NRP1: variants seen among roughly 807,000 people sequenced by gnomAD.
NRP1 encodes the protein neuropilin 1.
In NRP1, 35 loss-of-function variants were observed where a neutral mutation model predicts 106.7. The ratio of observed to expected loss-of-function variants is 0.33; its 90% CI spans 0.25 to 0.43. The LOEUF is 0.43. Among genes scored for constraint, NRP1 ranks in the 20% least tolerant of loss-of-function variants. The pLI is 1.00. For missense variants in NRP1, 1,024 were observed against 1,170.4 expected (o/e 0.87, Z 1.83); for synonymous variants, 437 against 417.9 (o/e 1.05, Z -0.56).
At chr10:33,205,350 C>T (rs1056665981) in intron 10 of NRP1, 1 of 152,232 alleles carries the variant, frequency 6.6e-6, no homozygotes, top group African/African-American at 2.4e-5. Flanking sequence ...ATTTCTACCT[C>T]ACTACAGAGA....
At chr10:33,244,023 G>A (rs543024487) in intron 6 of NRP1, among the ~76,000 whole-genome samples, 11 of 151,858 alleles carry the variant, frequency 7.2e-5, no homozygotes, top group South Asian at 2.1e-4. Flanking sequence ...CTATTCTGAC[G>A]TGGATCAAAA....
chr10:33,179,808 A>T lies in NRP1; in HGVS notation c.*268T>A, dbSNP rs1835566711. The T allele has an allele frequency of 4.5e-6, 2 of 447,460 alleles. No individual in the cohort carries two copies. Among genetic ancestry groups the T allele is most frequent in the Non-Finnish European group, 8.0e-6 (2 of 248,758 alleles). 27.7% of individuals were successfully genotyped at this position (447,460 alleles called of 1,614,324 possible). A position where few individuals can be genotyped will look rare whatever the true frequency, so the allele number is the denominator to read the frequency against. On this transcript the variant is annotated 3_prime_UTR_variant, in exon 17 of 17. Transcript: ENST00000374867. ...GGGGCAGGAGGGGTCGAAATGAATG[A>T]TTATGTCAATCATACTTGGTCTCAA...
chr10:33,324,902 T>C (rs914541383), intron 2 of NRP1, among the ~76,000 whole-genome samples: 2 of 152,296 alleles, frequency 1.3e-5, no homozygotes, highest in East Asian at 3.9e-4. Context: ...TGGCTCCCAA[T>C]GTTTGCGAGT....
At chr10:33,308,018 C>T (rs560096130) in intron 2 of NRP1, among the ~76,000 whole-genome samples, 47 of 152,248 alleles carry the variant, frequency 3.1e-4, no homozygotes, top group East Asian at 2.3e-3. Flanking sequence ...ATGTACACCA[C>T]GGAATACTAC....
intron 2 of NRP1, among the ~76,000 whole-genome samples, chr10:33,284,812 C>T (rs958091478): frequency 6.6e-6 from 1 of 152,206 alleles, no homozygotes; most frequent in African/African-American, 2.4e-5. Flanking sequence ...TTAAACCCAA[C>T]ATACGCCAAT....
At chr10:33,193,632 AT>A (rs1006318743) in intron 12 of NRP1, among the ~76,000 whole-genome samples, 1 of 152,208 alleles carries the variant, frequency 6.6e-6, no homozygotes, top group Non-Finnish European at 1.5e-5. Context: ...GAAGTCTGGT[AT>A]TAGATGCTGT....
Position 33,226,262 on chromosome 10 carries a change from T to C in NRP1, c.1009A>G (p.Thr337Ala), listed in dbSNP as rs367928513. 396 of 1,613,944 alleles carry C rather than the reference T, an allele frequency of 2.5e-4. No homozygotes were observed. The highest frequency in any genetic ancestry group is 3.2e-4 in the Non-Finnish European group (383 of 1,180,016). Reference sequence around the variant, plus strand: ...ATGGCGCCCTGTGTCCCGACAGCCGTGACAAAGCGCAGAAGGCCCAAGTCT... The same window carrying C: ...ATGGCGCCCTGTGTCCCGACAGCCGCGACAAAGCGCAGAAGGCCCAAGTCT... ...QVDLGLLRFV[T>A]AVGTQGAISK... Residue 337 changes from threonine to alanine, a missense_variant, in exon 7 of 17, where the codon ACG becomes GCG. Physicochemically the swap from Thr to Ala is moderately conservative, Grantham distance 58. This residue lies in a region of NRP1 where 562 missense variants were observed against 620.3 expected (regional missense o/e 0.91). Coordinates refer to ENST00000374867, the MANE Select transcript of NRP1 (RefSeq NM_003873.7).
rs914133056 is a variant in NRP1 at position 33,320,262 on chromosome 10, G to A, written c.248+10446C>T. ...CAGGAGGCTGAGGTTGCAGTGAGCC[G>A]ACTTTGCGCCACTGCACTCCAGCCT... On this transcript the variant is annotated intron_variant, in intron 2 of 16. Transcript: ENST00000374867. 1.7e-4 allele frequency among the ~76,000 whole-genome samples: 26 copies of A among 150,588 alleles called. 1 individual carries two copies. Among genetic ancestry groups the A allele is most frequent in the African/African-American group, 4.9e-4 (20 of 40,872 alleles).
At chr10:33,305,981 C>T (rs1846130475) in intron 2 of NRP1, among the ~76,000 whole-genome samples, 1 of 152,014 alleles carries the variant, frequency 6.6e-6, no homozygotes, top group Non-Finnish European at 1.5e-5. Context: ...GTTGGCCAGG[C>T]TGGTCTCGAA....
At chr10:33,310,047 A>G (rs1036334435) in intron 2 of NRP1, among the ~76,000 whole-genome samples, 4 of 150,032 alleles carry the variant, frequency 2.7e-5, no homozygotes, top group African/African-American at 9.9e-5. Context: ...TCCCGGGTTC[A>G]CGCCATTCTC....
At chr10:33,263,167 TA>T (rs1249663770) in intron 4 of NRP1, among the ~76,000 whole-genome samples, 1 of 152,230 alleles carries the variant, frequency 6.6e-6, no homozygotes, top group Non-Finnish European at 1.5e-5. Context: ...TTTTGTTTTG[TA>T]GCATAACGGA....
chr10:33,193,557 G>T (rs1447639915), intron 12 of NRP1, among the ~76,000 whole-genome samples: 3 of 152,280 alleles, frequency 2.0e-5, no homozygotes, highest in Admixed American at 1.3e-4. Flanking sequence ...ACAGGAAGGC[G>T]CCTGGGGCAT....
intron 10 of NRP1, among the ~76,000 whole-genome samples, chr10:33,203,688 C>T (rs1381303627): frequency 2.1e-5 from 3 of 145,586 alleles, no homozygotes; most frequent in Non-Finnish European, 4.5e-5. Flanking sequence ...TTTGAATTTG[C>T]AGTTGAAAGG....
rs75921753 is a variant in NRP1 at position 33,325,039 on chromosome 10, G to C, written c.248+5669C>G. ...CAGTTGCCCTTGAGGGCAAAGGTTG[G>C]TGACTAAAACTGACATCAGAGGGCT... On this transcript the variant is annotated intron_variant, in intron 2 of 16. Transcript: ENST00000374867. Among the ~76,000 whole-genome samples, 1,189 of 152,306 alleles carry C rather than the reference G, an allele frequency of 7.8e-3. 10 individuals are homozygous for C. Among genetic ancestry groups the C allele is most frequent in the Non-Finnish European group, 0.014 (940 of 68,026 alleles).
chr10:33,218,686 A>T (rs1051185848), intron 8 of NRP1, among the ~76,000 whole-genome samples: 1 of 152,166 alleles, frequency 6.6e-6, no homozygotes, highest in African/African-American at 2.4e-5. Context: ...TGAATCAAAA[A>T]ATTAGGGTAA....
intron 2 of NRP1, among the ~76,000 whole-genome samples, chr10:33,290,992 G>A (rs909202576): frequency 6.6e-6 from 1 of 152,140 alleles, no homozygotes; most frequent in East Asian, 1.9e-4. Context: ...CACTGTAGGG[G>A]GCAGTGCATA....
chr10:33,230,551 A>G (rs1428695371), intron 6 of NRP1, among the ~76,000 whole-genome samples: 4 of 152,072 alleles, frequency 2.6e-5, no homozygotes, highest in Non-Finnish European at 5.9e-5. Flanking sequence ...ATTTGCATAA[A>G]CACATCTTAC....
chr10:33,233,017 C>T (rs547419544), intron 6 of NRP1, among the ~76,000 whole-genome samples: 1 of 152,272 alleles, frequency 6.6e-6, no homozygotes, highest in South Asian at 2.1e-4. Flanking sequence ...TGACCCAACA[C>T]AATACCCTGT....
intron 2 of NRP1, among the ~76,000 whole-genome samples, chr10:33,299,300 GA>G: frequency 6.6e-6 from 1 of 152,188 alleles, no homozygotes; most frequent in Middle Eastern, 3.4e-3. Flanking sequence ...TTCCAAGCAG[GA>G]GTCCATCAGC....
Sources: allele counts gnomAD v4.1 joint callset (sites outside exome capture counted in the v4.1 genomes callset), GRCh38; gene constraint gnomAD v4.1.1; regional missense constraint gnomAD v4.1.1; transcripts MANE v1.5; gene names NCBI Gene and HGNC (gene_info 2026-07-23, HGNC 2026-07-21).